DCLK2: variants seen among roughly 807,000 people sequenced by gnomAD.
DCLK2 encodes the protein serine/threonine-protein kinase DCLK2.
In DCLK2, 31 loss-of-function variants were observed where a neutral mutation model predicts 78.4. That is an observed-to-expected ratio of 0.40 (90% confidence interval 0.30 to 0.53). DCLK2 has a LOEUF of 0.53. Among genes scored for constraint, DCLK2 ranks in the 20% least tolerant of loss-of-function variants. The probability of loss-of-function intolerance (pLI) is 0.61; values close to 1 mark genes in which losing one functional copy is unlikely to be tolerated. For synonymous variants in DCLK2, 407 were observed against 374.9 expected (o/e 1.09, Z -0.99); for missense variants, 872 against 973.7 (o/e 0.90, Z 1.39).
At chr4:150,180,878 A>G (rs1178682242) in intron 2 of DCLK2, among the ~76,000 whole-genome samples, 1 of 152,184 alleles carries the variant, frequency 6.6e-6, no homozygotes, top group Non-Finnish European at 1.5e-5. Context: ...GCTGGCCATA[A>G]AGAAATTATC....
At chr4:150,156,920 G>A (rs1029537121) in intron 2 of DCLK2, among the ~76,000 whole-genome samples, 6 of 151,566 alleles carry the variant, frequency 4.0e-5, no homozygotes, top group African/African-American at 9.7e-5. Context: ...ACCGATGTGC[G>A]CCACCTGCTT....
At chr4:150,100,690 T>G (rs1291659354) in intron 1 of DCLK2, among the ~76,000 whole-genome samples, 1 of 152,260 alleles carries the variant, frequency 6.6e-6, no homozygotes, top group East Asian at 1.9e-4. Context: ...AATTCTGTTT[T>G]GCCCATTAAT....
At position 150,119,229 on chromosome 4, in the gene DCLK2, C is replaced by T. The variant is rs184148386; in HGVS notation, c.756+16417C>T. ...GAATGACTGAATAATGTTAAATTGGCTAGATATACCATGATTTATTCAGTC... is the reference window on the plus strand; with the variant it reads ...GAATGACTGAATAATGTTAAATTGGTTAGATATACCATGATTTATTCAGTC... On this transcript the variant is annotated intron_variant, in intron 2 of 15. Coordinates refer to ENST00000296550, the MANE Select transcript of DCLK2 (RefSeq NM_001040260.4). Among the ~76,000 whole-genome samples the T allele has an allele frequency of 3.3e-5, 5 of 152,124 alleles. No homozygotes were observed. The East Asian group carries it at 9.7e-4, about 29-fold the overall frequency.
intron 2 of DCLK2, among the ~76,000 whole-genome samples, chr4:150,117,500 G>C (rs1732180846): frequency 6.6e-6 from 1 of 152,176 alleles, no homozygotes. Flanking sequence ...TCTGGCCAAA[G>C]GGGTTCATCC....
intron 2 of DCLK2, among the ~76,000 whole-genome samples, chr4:150,178,107 A>G (rs1373740840): frequency 6.6e-6 from 1 of 152,200 alleles, no homozygotes; most frequent in Non-Finnish European, 1.5e-5. Flanking sequence ...AGAGTTTTCT[A>G]CCCTCATTGT....
At chr4:150,150,313 G>T (rs1734797702) in intron 2 of DCLK2, among the ~76,000 whole-genome samples, 1 of 152,120 alleles carries the variant, frequency 6.6e-6, no homozygotes, top group African/African-American at 2.4e-5. Flanking sequence ...TTGATGTCTG[G>T]TGCAGCATTT....
rs1432173225 is a variant in DCLK2 at position 150,232,449 on chromosome 4, T to C, written c.1412T>C (p.Leu471Ser). The change falls in exon 9 of 16, where the codon TTG (leucine) becomes TCG (serine). Residue 471 changes from leucine to serine, a missense_variant. Physicochemically the swap from Leu to Ser is moderately radical, Grantham distance 145 (BLOSUM62 -2). Transcript: ENST00000296550. ...ACTGAGCTCTTTCTGGTGATGGAAT[T>C]GGTCAAAGTAAGAGGATAGAGAGAT... Reference protein sequence around the residue: ...TATELFLVMELVKGGDLFDAI... With the variant: ...TATELFLVMESVKGGDLFDAI... 1 of 1,613,818 alleles carries C rather than the reference T, an allele frequency of 6.2e-7. No homozygotes were observed. The highest frequency in any genetic ancestry group is 1.3e-5 in the African/African-American group (1 of 74,922).
chr4:150,145,301 CTGTCAGTTGTT>C (rs1734392233), intron 2 of DCLK2, among the ~76,000 whole-genome samples: 1 of 152,148 alleles, frequency 6.6e-6, no homozygotes, highest in African/African-American at 2.4e-5. Flanking sequence ...GGCAAGTTGT[CTGTCAGTTGTT>C]AAGGGAGCAA....
At chr4:150,212,485 A>G (rs941462144) in intron 5 of DCLK2, among the ~76,000 whole-genome samples, 1 of 152,250 alleles carries the variant, frequency 6.6e-6, no homozygotes, top group African/African-American at 2.4e-5. Context: ...ATAACCTTCA[A>G]TACTAAGAAA....
At chr4:150,196,255 A>T (rs1347704623) in intron 3 of DCLK2, among the ~76,000 whole-genome samples, 1 of 152,182 alleles carries the variant, frequency 6.6e-6, no homozygotes, top group Non-Finnish European at 1.5e-5. Context: ...TAAACCTAGG[A>T]TATAGTTCTG....
chr4:150,099,392 C>T (rs60356991), intron 1 of DCLK2, among the ~76,000 whole-genome samples: 57,616 of 152,018 alleles, frequency 0.38, 11,163 homozygotes, highest in Non-Finnish European at 0.42. Flanking sequence ...TAACTAACTG[C>T]CCAGGGAACC....
chr4:150,249,922 C>G (rs1464342631), intron 15 of DCLK2, among the ~76,000 whole-genome samples: 4 of 152,130 alleles, frequency 2.6e-5, no homozygotes, highest in African/African-American at 9.7e-5. Context: ...CGTCAAGGAG[C>G]TCCTGGCTGG....
rs766338022 is a variant in DCLK2 at position 150,232,750 on chromosome 4, G to A, written c.1488G>A (p.Val496=). ...CTGAGAGAGATGGCAGTGCCATGGT[G>A]TACAACTTAGCCAATGCCCTCAGGT... ...KYTERDGSAM[V]YNLANALRYL... Residue 496 remains valine, a synonymous_variant, in exon 10 of 16, where the codon GTG becomes GTA. Transcript: ENST00000296550. 6.8e-6 allele frequency: 11 copies of A among 1,614,136 alleles called. No homozygotes were observed. The Admixed American group carries it at 1.8e-4, about 27-fold the overall frequency.
intron 2 of DCLK2, among the ~76,000 whole-genome samples, chr4:150,178,245 T>G (rs912370479): frequency 1.3e-5 from 2 of 152,224 alleles, no homozygotes; most frequent in African/African-American, 4.8e-5. Context: ...TGCTTTGAAT[T>G]CTTCTAAACT....
rs1742823784 is a variant in DCLK2 at position 150,240,344 on chromosome 4, G to A, written c.1701-55G>A. 4 of 1,479,888 alleles carry A rather than the reference G, an allele frequency of 2.7e-6. No homozygotes were observed. The Admixed American group carries it at 6.7e-5, about 25-fold the overall frequency. The allele number at this position is 1,479,888 out of a possible 1,614,324, so 91.7% of individuals were successfully genotyped here. On this transcript the variant is annotated intron_variant, in intron 11 of 15. Transcript: ENST00000296550. ...AATAAAGGCAATACTCCAGTACCAT[G>A]GAAGGGTCTTGGGAGCCATCAGTTC... is the stretch of plus-strand genomic sequence containing the variant.
At chr4:150,126,852 C>G (rs1732952098) in intron 2 of DCLK2, among the ~76,000 whole-genome samples, 1 of 152,162 alleles carries the variant, frequency 6.6e-6, no homozygotes, top group South Asian at 2.1e-4. Context: ...AGCATCCAAT[C>G]CAGGATCCCA....
intron 5 of DCLK2, among the ~76,000 whole-genome samples, chr4:150,209,328 C>T (rs1423281000): frequency 6.6e-6 from 1 of 152,210 alleles, no homozygotes; most frequent in Non-Finnish European, 1.5e-5. Context: ...CAGCCTCTCT[C>T]ACCTCAGTGG....
chr4:150,190,164 C>T (rs1738303458), intron 2 of DCLK2, among the ~76,000 whole-genome samples: 1 of 151,466 alleles, frequency 6.6e-6, no homozygotes, highest in African/African-American at 2.4e-5. Context: ...GATCATGCTA[C>T]TGCACCCTAG....
At chr4:150,218,245 A>G (rs1020752233) in intron 5 of DCLK2, among the ~76,000 whole-genome samples, 1 of 152,072 alleles carries the variant, frequency 6.6e-6, no homozygotes, top group Admixed American at 6.6e-5. Flanking sequence ...ATCCCAACAT[A>G]TGCCAGGTTT....
Sources: gnomAD v4.1 joint callset for allele counts (sites outside exome capture counted in the v4.1 genomes callset) on GRCh38, gnomAD v4.1.1 for gene constraint, MANE v1.5 for transcripts, NCBI Gene and HGNC (gene_info 2026-07-23, HGNC 2026-07-21) for gene names.